Variants in DST observed in about 807,000 individuals in gnomAD.
DST encodes the protein bullous pemphigoid antigen.
Under a neutral mutation model 875.2 loss-of-function variants are expected in DST, and 253 were observed. The observed-to-expected ratio is 0.29, with a 90% CI of 0.26 to 0.32. DST has a LOEUF of 0.32. DST is among the 10% of genes least tolerant of loss of function. The probability of loss-of-function intolerance (pLI) is 1.00; values close to 1 mark genes in which losing one functional copy is unlikely to be tolerated. For missense variants in DST, 8,287 were observed against 9,111.6 expected, an observed-to-expected ratio of 0.91 and a Z score of 3.68; for synonymous variants, 3,124 against 3,197.1, an observed-to-expected ratio of 0.98 and a Z score of 0.77.
Position 56,529,505 on chromosome 6 carries a change from C to T in DST, c.17538G>A (p.Lys5846=), listed in dbSNP as rs2096859219. 6.2e-7 allele frequency: 1 copy of T among 1,610,312 alleles called. No homozygotes were observed. The highest frequency in any genetic ancestry group is 8.5e-7 in the Non-Finnish European group (1 of 1,177,976). The part of the protein sequence containing the change: ...WLNEVHDKLS[K]LSVQDYSTEG... Reference sequence around the variant, plus strand: ...CAGTGCTGTAATCCTGGACTGAGAGCTTGCTCAGTTTGTCATGCACTTCAT... The same window carrying T: ...CAGTGCTGTAATCCTGGACTGAGAGTTTGCTCAGTTTGTCATGCACTTCAT... The change falls in exon 66 of 104, where the codon AAG becomes AAA. Residue 5846 remains lysine, a synonymous_variant. Transcript: ENST00000680361.
intron 9 of DST, among the ~76,000 whole-genome samples, chr6:56,698,570 T>G (rs2099276884): frequency 6.6e-6 from 1 of 152,128 alleles, no homozygotes; most frequent in African/African-American, 2.4e-5. Flanking sequence ...CATGATCCAC[T>G]CGCCTCAGCC....
Position 56,619,838 on chromosome 6 carries a change from G to C in DST, c.4929+4692C>G, listed in dbSNP as rs149100373. The C allele has an allele frequency of 2.0e-5, 32 of 1,614,074 alleles. No individual in the cohort carries two copies. In the African/African-American group the frequency reaches 3.7e-4, roughly 19 times the overall value. On this transcript the variant is annotated intron_variant, in intron 36 of 103. Transcript: ENST00000680361. ...TTTTAGCAAACGAGCCTTTTCCTCA[G>C]ATGACGTTTTTTCAAGCTGGAGGGC...
chr6:56,720,345 T>G (rs1242420820), intron 5 of DST, among the ~76,000 whole-genome samples: 2 of 143,820 alleles, frequency 1.4e-5, no homozygotes, highest in Non-Finnish European at 3.0e-5. Flanking sequence ...GCTGTTATCC[T>G]GTTCTTTTTT....
Position 56,608,558 on chromosome 6 carries a change from T to C in DST, c.6070A>G (p.Ile2024Val), listed in dbSNP as rs2098517743. Residue 2024 changes from isoleucine (I) to valine (V), a missense_variant, in exon 40 of 104, where the codon ATC (isoleucine) becomes GTC (valine). Coordinates refer to ENST00000680361, the MANE Select transcript of DST (RefSeq NM_001374736.1). ...CCAGTTTGAACCTGATATGTGAGGA[T>C]ACTGCTAGCAGTGTCCCTGTCAATC... ...GVIDRDTASS[I>V]LTYQVQTGGI... 4 of 1,613,508 alleles carry C rather than the reference T, an allele frequency of 2.5e-6. No homozygotes were observed. The highest frequency in any genetic ancestry group is 3.3e-5 in the Admixed American group (2 of 59,894).
Position 56,597,871 on chromosome 6 carries a change from A to C in DST, c.12064T>G (p.Phe4022Val). Reference protein sequence around the residue: ...KQVIEQNGTHFQEGDGKSAIG... With the variant: ...KQVIEQNGTHVQEGDGKSAIG... ...GCTGACTTGCCATCACCTTCTTGAA[A>C]ATGGGTCCCGTTCTGTTCGATTACC... Residue 4022 changes from phenylalanine (F) to valine (V), a missense_variant, in exon 47 of 104, where the codon TTT becomes GTT. Phe to Val is a conservative substitution (Grantham distance 50). Coordinates refer to ENST00000680361, the MANE Select transcript of DST (RefSeq NM_001374736.1). 1 of 1,613,872 alleles carries C rather than the reference A, an allele frequency of 6.2e-7. No individual in the cohort carries two copies. Among genetic ancestry groups the C allele is most frequent in the Non-Finnish European group, 8.5e-7 (1 of 1,179,842 alleles).
At chr6:56,556,031 A>G (rs1337104215) in intron 59 of DST, among the ~76,000 whole-genome samples, 191 bp from the exon 60 acceptor site, 1 of 152,194 alleles carries the variant, frequency 6.6e-6, no homozygotes, top group Non-Finnish European at 1.5e-5. Context: ...CTTCACAGAG[A>G]TATCCTGTCT....
intron 4 of DST, among the ~76,000 whole-genome samples, chr6:56,829,826 A>G (rs575249317): frequency 2.0e-5 from 3 of 152,142 alleles, no homozygotes; most frequent in Non-Finnish European, 4.4e-5. Context: ...TAATTAAGGC[A>G]GGTATAACAG....
intron 60 of DST, among the ~76,000 whole-genome samples, chr6:56,554,626 A>G (rs972080022): frequency 3.9e-5 from 6 of 152,352 alleles, no homozygotes; most frequent in African/African-American, 1.2e-4. Context: ...ATTAAGAATA[A>G]TAATGATAAT....
At chr6:56,926,967 A>C (rs886088364) in intron 2 of DST, among the ~76,000 whole-genome samples, 3 of 152,208 alleles carry the variant, frequency 2.0e-5, no homozygotes, top group Non-Finnish European at 2.9e-5. Flanking sequence ...CTCCAAAAAC[A>C]GTATCAGTAG....
chr6:56,917,945 G>C (rs1802097158), intron 2 of DST, among the ~76,000 whole-genome samples: 1 of 152,140 alleles, frequency 6.6e-6, no homozygotes, highest in Non-Finnish European at 1.5e-5. Context: ...CTATAAATAA[G>C]TGTGAATGTC....
At chr6:56,621,212 A>T (rs1015518785) in intron 36 of DST, among the ~76,000 whole-genome samples, 48 of 152,220 alleles carry the variant, frequency 3.2e-4, no homozygotes, top group Non-Finnish European at 3.5e-4. Context: ...AATAGAAATT[A>T]AAAATGATAC....
chr6:56,944,273 C>T (rs1818271953), intron 2 of DST, among the ~76,000 whole-genome samples: 1 of 151,708 alleles, frequency 6.6e-6, no homozygotes, highest in Admixed American at 6.6e-5. Context: ...TTCATTCATC[C>T]AACATTTACT....
chr6:56,671,070 C>T (rs1330561230), intron 9 of DST, among the ~76,000 whole-genome samples: 1 of 152,124 alleles, frequency 6.6e-6, no homozygotes, highest in African/African-American at 2.4e-5. Context: ...ATAAATTTTC[C>T]CCATTTTACA....
chr6:56,627,972 T>C, intron 33 of DST, 27 bp downstream of exon 33: 1 of 1,609,260 alleles, frequency 6.2e-7, no homozygotes, highest in Non-Finnish European at 8.5e-7. Context: ...AGACATAACC[T>C]CAGTAGAGGG....
chr6:56,908,306 T>C (rs557012313), intron 2 of DST, among the ~76,000 whole-genome samples: 62 of 152,202 alleles, frequency 4.1e-4, no homozygotes, highest in African/African-American at 1.4e-3. Flanking sequence ...CTTTGATCCA[T>C]GGATAAAATT....
intron 3 of DST, among the ~76,000 whole-genome samples, chr6:56,868,747 A>T (rs955302611): frequency 2.0e-5 from 3 of 152,222 alleles, no homozygotes; most frequent in Non-Finnish European, 1.5e-5. Context: ...CATTTTCTCT[A>T]TTGGAGTTTT....
Position 56,605,284 on chromosome 6 carries a change from G to A in DST, c.9344C>T (p.Thr3115Ile). The part of the protein sequence containing the change: ...QKGSLKKATV[T>I]LKDEPNNLQI... Reference sequence around the variant, plus strand: ...TAGATTATTTGGTTCATCTTTAAGAGTTACAGTTGCTTTTTTAAGGCTTCC... The same window carrying A: ...TAGATTATTTGGTTCATCTTTAAGAATTACAGTTGCTTTTTTAAGGCTTCC... The change falls in exon 40 of 104, where the codon ACT (threonine) becomes ATT (isoleucine). Residue 3115 changes from threonine to isoleucine, a missense_variant. Physicochemically the swap from Thr to Ile is moderately conservative, Grantham distance 89. This residue lies in a region of DST where 3,138 missense variants were observed against 3,116.6 expected (regional missense o/e 1.01). Transcript: ENST00000680361. 1 of 1,611,158 alleles carries A rather than the reference G, an allele frequency of 6.2e-7. No individual in the cohort carries two copies. The highest frequency in any genetic ancestry group is 8.5e-7 in the Non-Finnish European group (1 of 1,178,486).
intron 2 of DST, among the ~76,000 whole-genome samples, chr6:56,942,772 G>T (rs1205920482): frequency 6.9e-6 from 1 of 145,728 alleles, no homozygotes; most frequent in Admixed American, 7.0e-5. Context: ...CTAGAGTGCA[G>T]TGGTATGATC....
At chr6:56,921,816 A>G (rs899508860) in intron 2 of DST, among the ~76,000 whole-genome samples, 1 of 152,146 alleles carries the variant, frequency 6.6e-6, no homozygotes, top group African/African-American at 2.4e-5. Flanking sequence ...TATTTCGTAT[A>G]TTTATCTCCA....
Sources: allele counts gnomAD v4.1 joint callset (sites outside exome capture counted in the v4.1 genomes callset), GRCh38; gene constraint gnomAD v4.1.1; regional missense constraint gnomAD v4.1.1; transcripts MANE v1.5; gene names NCBI Gene and HGNC (gene_info 2026-07-23, HGNC 2026-07-21).